The following ANKS1B variants were observed in gnomAD, a reference collection of about 807,000 sequenced individuals.
ANKS1B encodes the protein ankyrin repeat and sterile alpha motif domain containing 1B, also known as ankyrin repeat and sterile alpha motif domain-containing protein 1B.
ANKS1B carries 36 observed loss-of-function variants against 148.3 expected under a neutral mutation model. The ratio of observed to expected loss-of-function variants is 0.24; its 90% confidence interval spans 0.19 to 0.32. The LOEUF is 0.32. Among genes scored for constraint, ANKS1B ranks in the 10% least tolerant of loss-of-function variants. ANKS1B has a pLI of 1.00. For synonymous variants in ANKS1B, 542 were observed against 560.8 expected, an observed-to-expected ratio of 0.97 and a Z score of 0.47; for missense variants, 1,157 against 1,542.6, an observed-to-expected ratio of 0.75 and a Z score of 4.19.
chr12:98,749,187 C>T (rs982127797), intron 26 of ANKS1B, among the ~76,000 whole-genome samples: 1 of 152,162 alleles, frequency 6.6e-6, no homozygotes, highest in African/African-American at 2.4e-5. Context: ...CAAGCTCCGC[C>T]TCCCGGGTGC....
chr12:98,789,160 T>G (rs943156687), intron 22 of ANKS1B, among the ~76,000 whole-genome samples: 1 of 152,032 alleles, frequency 6.6e-6, no homozygotes, highest in Non-Finnish European at 1.5e-5. Flanking sequence ...CTGGCCAACA[T>G]GGTGAAACCC....
At chr12:98,900,924 G>A (rs775972288) in intron 17 of ANKS1B, among the ~76,000 whole-genome samples, 1 of 152,180 alleles carries the variant, frequency 6.6e-6, no homozygotes, top group Non-Finnish European at 1.5e-5. Flanking sequence ...ACTAACACGT[G>A]ACTTTCTCTA....
At chr12:99,484,764 G>GTT (rs565634931) in intron 10 of ANKS1B, among the ~76,000 whole-genome samples, 49 of 63,664 alleles carry the variant, frequency 7.7e-4, no homozygotes, top group African/African-American at 1.4e-3. Context: ...GTGTGTGTGT[G>GTT]TTTTTTTTTT....
rs1315702796 is a variant in ANKS1B at position 99,129,844 on chromosome 12, T to C, written c.2526+24445A>G. On this transcript the variant is annotated intron_variant, in intron 15 of 26. Coordinates refer to ENST00000683438, the MANE Select transcript of ANKS1B (RefSeq NM_001352186.2). ...ATTTGAAAAGATGTTCAGTATAACA[T>C]TGGGATTTTAAGTGATGATTGTATC... Among the ~76,000 whole-genome samples, 6 of 152,206 alleles carry C rather than the reference T, an allele frequency of 3.9e-5. No homozygotes were observed. In the East Asian group the frequency reaches 5.8e-4, roughly 15 times the overall value.
At chr12:98,735,213 G>A (rs2097767776) in exon 10 of ANKS1B, 1 of 398,856 alleles carries the variant, frequency 2.5e-6, no homozygotes, top group Non-Finnish European at 4.4e-6. Flanking sequence ...TTGCAGATGA[G>A]CATTTCTAAA....
At chr12:99,674,195 G>T (rs1242826869) in intron 8 of ANKS1B, among the ~76,000 whole-genome samples, 3 of 151,720 alleles carry the variant, frequency 2.0e-5, no homozygotes, top group Admixed American at 1.3e-4. Flanking sequence ...TTCAAAGATG[G>T]CAAATCTTCC....
intron 8 of ANKS1B, among the ~76,000 whole-genome samples, chr12:99,768,838 A>AAG (rs11432323): frequency 6.7e-6 from 1 of 149,920 alleles, no homozygotes; most frequent in African/African-American, 2.5e-5. Context: ...AAAAAAAAAA[A>AAG]AAAAAAAAAA....
At chr12:99,658,839 C>T (rs1010807323) in intron 8 of ANKS1B, among the ~76,000 whole-genome samples, 2 of 152,056 alleles carry the variant, frequency 1.3e-5, no homozygotes, top group African/African-American at 4.8e-5. Flanking sequence ...TGTGCTTGTG[C>T]AAATATACTA....
chr12:99,700,927 C>A (rs1039377223), intron 8 of ANKS1B, among the ~76,000 whole-genome samples: 2 of 152,140 alleles, frequency 1.3e-5, no homozygotes, highest in African/African-American at 4.8e-5. Context: ...TCCCCACCTG[C>A]TGAACTGGTG....
intron 8 of ANKS1B, among the ~76,000 whole-genome samples, chr12:99,681,758 C>T (rs2098619360): frequency 6.6e-6 from 1 of 152,190 alleles, no homozygotes; most frequent in African/African-American, 2.4e-5. Flanking sequence ...AAAGACAACT[C>T]TGCTAATATG....
At chr12:99,889,176 G>T (rs976638103) in intron 1 of ANKS1B, among the ~76,000 whole-genome samples, 1 of 152,084 alleles carries the variant, frequency 6.6e-6, no homozygotes, top group Non-Finnish European at 1.5e-5. Flanking sequence ...CTATTACTCC[G>T]TACCAAGCAT....
chr12:99,291,740 C>T (rs980146371), intron 12 of ANKS1B, among the ~76,000 whole-genome samples: 2 of 152,060 alleles, frequency 1.3e-5, no homozygotes, highest in African/African-American at 4.8e-5. Flanking sequence ...AAAAATCACA[C>T]TACCTGACTT....
At chr12:99,153,228 C>A (rs535222395) in intron 15 of ANKS1B, among the ~76,000 whole-genome samples, 1 of 152,172 alleles carries the variant, frequency 6.6e-6, no homozygotes, top group African/African-American at 2.4e-5. Flanking sequence ...GAAAAATAAT[C>A]TAAGATAGAA....
intron 12 of ANKS1B, among the ~76,000 whole-genome samples, chr12:99,376,393 A>T (rs996694222): frequency 6.6e-6 from 1 of 152,214 alleles, no homozygotes; most frequent in African/African-American, 2.4e-5. Flanking sequence ...GGGCAGTTGT[A>T]CAGTCTCTTT....
chr12:99,398,915 T>C (rs2094326867), intron 12 of ANKS1B, among the ~76,000 whole-genome samples: 1 of 152,150 alleles, frequency 6.6e-6, no homozygotes, highest in Admixed American at 6.6e-5. Context: ...CAATTCTTGA[T>C]TTCCAAATAA....
At chr12:99,780,552 G>A (rs1221561311) in intron 5 of ANKS1B, among the ~76,000 whole-genome samples, 1 of 152,094 alleles carries the variant, frequency 6.6e-6, no homozygotes, top group Non-Finnish European at 1.5e-5. Context: ...AAAGTGCTGG[G>A]ATTACAGGCT....
chr12:99,147,839 C>T (rs774129886), intron 15 of ANKS1B, among the ~76,000 whole-genome samples: 58 of 151,662 alleles, frequency 3.8e-4, no homozygotes, highest in Non-Finnish European at 6.6e-4. Flanking sequence ...GGAACACAAA[C>T]GGGGAGTAAA....
At chr12:98,841,416 A>C (rs1408028938) in intron 17 of ANKS1B, among the ~76,000 whole-genome samples, 1 of 152,056 alleles carries the variant, frequency 6.6e-6, no homozygotes, top group Non-Finnish European at 1.5e-5. Context: ...CCTCTTCTTG[A>C]GGTTTAGCTA....
intron 14 of ANKS1B, among the ~76,000 whole-genome samples, chr12:99,192,056 C>T (rs550399183): frequency 1.5e-5 from 2 of 135,656 alleles, no homozygotes; most frequent in African/African-American, 5.6e-5. Context: ...CGCTTGAATC[C>T]GAGAGGTGGA....
Sources: allele counts gnomAD v4.1 joint callset (sites outside exome capture counted in the v4.1 genomes callset), GRCh38; gene constraint gnomAD v4.1.1; transcripts MANE v1.5; gene names NCBI Gene and HGNC (gene_info 2026-07-23, HGNC 2026-07-21).